Variants in NPRL2 observed in about 807,000 individuals in gnomAD.
NPRL2 encodes the protein NPR2 like, GATOR1 complex subunit.
In NPRL2, 21 loss-of-function variants were observed where a neutral mutation model predicts 51.1. The ratio of observed to expected loss-of-function variants is 0.41; its 90% confidence interval spans 0.29 to 0.59. NPRL2 has a LOEUF of 0.59. Ranked by LOEUF, NPRL2 falls within the 20% of genes least tolerant of loss-of-function variation. NPRL2 has a pLI of 0.29. For synonymous variants in NPRL2, 175 were observed against 187.8 expected (o/e 0.93, Z 0.56); for missense variants, 376 against 483.4 (o/e 0.78, Z 2.08).
chr3:50,350,099 C>T lies in NPRL2; in HGVS notation c.79-77G>A. ...AGTACAAATGGTGACCTCCTCATGCCCCCCAAGCCCAAGTCCTCTTCTCCA... is the reference window on the plus strand; with the variant it reads ...AGTACAAATGGTGACCTCCTCATGCTCCCCAAGCCCAAGTCCTCTTCTCCA... On this transcript the variant is annotated intron_variant, in intron 1 of 10. Transcript: ENST00000232501. This position sits in a 1 kb window ranked among gnomAD's most constrained non-coding sequence, Gnocchi z 5.7. 3 of 1,189,792 alleles carry T rather than the reference C, an allele frequency of 2.5e-6. No homozygotes were observed. Among genetic ancestry groups the T allele is most frequent in the African/African-American group, 1.5e-5 (1 of 66,554 alleles). 73.7% of individuals were successfully genotyped at this position (1,189,792 alleles called of 1,614,324 possible).
chr3:50,349,355 C>G lies in NPRL2; in HGVS notation c.448+31G>C. ...TTCACTTTCCCATCTCTCCTCTACC[C>G]CTCTGCTGTCCTTGCAGAGGCTGGC... On this transcript the variant is annotated intron_variant, in intron 4 of 10. Transcript: ENST00000232501. This position sits in a 1 kb window ranked among gnomAD's most constrained non-coding sequence, Gnocchi z 4.6. 5.1e-6 allele frequency: 8 copies of G among 1,571,440 alleles called. No homozygotes were observed. Among genetic ancestry groups the G allele is most frequent in the Non-Finnish European group, 7.0e-6 (8 of 1,142,032 alleles).
chr3:50,348,744 C>A lies in NPRL2; in HGVS notation c.624G>T (p.Lys208Asn), dbSNP rs1394636501. ...GCTCCACATCTGCCTCTGCTGAAAT[C>A]TTCTGGATGTGGCGGAACCCATCAA... ...PYIDGFRHIQ[K>N]ISAEADVELN... The change falls in exon 6 of 11, where the codon AAG (lysine) becomes AAT (asparagine). Residue 208 changes from lysine to asparagine, a missense_variant. Coordinates refer to ENST00000232501, the MANE Select transcript of NPRL2 (RefSeq NM_006545.5). This position sits in a 1 kb window ranked among gnomAD's most constrained non-coding sequence, Gnocchi z 5.8. 6.2e-7 allele frequency: 1 copy of A among 1,614,026 alleles called. No individual in the cohort carries two copies. The highest frequency in any genetic ancestry group is 8.5e-7 in the Non-Finnish European group (1 of 1,180,030).
chr3:50,350,625 T>C lies in NPRL2; in HGVS notation c.28A>G (p.Ile10Val). ...GTGGGGTGGAACTCGCTGAAGAATA[T>C]GCATTCGATGCGGCAGCCGCTGCCC... is the stretch of plus-strand genomic sequence containing the variant. MGSGCRIEC[I>V]FFSEFHPTLG... Residue 10 changes from isoleucine (I) to valine (V), a missense_variant, in exon 1 of 11, where the codon ATA becomes GTA. Physicochemically the swap from Ile to Val is conservative, Grantham distance 29 (BLOSUM62 3). Coordinates refer to ENST00000232501, the MANE Select transcript of NPRL2 (RefSeq NM_006545.5). This position sits in a 1 kb window ranked among gnomAD's most constrained non-coding sequence, Gnocchi z 5.7. The C allele has an allele frequency of 2.5e-6, 4 of 1,609,024 alleles. No individual in the cohort carries two copies. Among genetic ancestry groups the C allele is most frequent in the Non-Finnish European group, 3.4e-6 (4 of 1,178,200 alleles).
Position 50,349,751 on chromosome 3 carries a change from G to A in NPRL2, c.253C>T (p.Leu85=), listed in dbSNP as rs1703690564. ...KYSRNALLFN[L]GFVCDAQAKT... ...GCCTGGGCATCACACACGAAGCCCAGGTTGAAGAGGAGAGCATTGCGGCTG... is the reference window on the plus strand; with the variant it reads ...GCCTGGGCATCACACACGAAGCCCAAGTTGAAGAGGAGAGCATTGCGGCTG... The change falls in exon 3 of 11, where the codon CTG becomes TTG. Residue 85 remains leucine, a synonymous_variant. Coordinates refer to ENST00000232501, the MANE Select transcript of NPRL2 (RefSeq NM_006545.5). This position sits in a 1 kb window ranked among gnomAD's most constrained non-coding sequence, Gnocchi z 4.6. The A allele has an allele frequency of 2.5e-6, 4 of 1,613,864 alleles. No homozygotes were observed. The South Asian group carries it at 4.4e-5, about 18-fold the overall frequency.
At position 50,347,742 on chromosome 3, in the gene NPRL2, T is replaced by TA; in HGVS notation, c.1075+16_1075+17insT. On this transcript the variant is annotated intron_variant, in intron 10 of 10. Transcript: ENST00000232501. ...CACCCTGCCCTGAACCCACCCTGAC[T>TA]GCCCGCCTGCCTCCACCTGTCTTGC... 6.2e-7 allele frequency: 1 copy of TA among 1,613,822 alleles called. No individual in the cohort carries two copies.
At position 50,350,660 on chromosome 3, in the gene NPRL2, A is replaced by G. The variant is rs1372306004; in HGVS notation, c.-8T>C. ...GCGGCAGCCGCTGCCCATGGCAATA[A>G]CCGGGCCCAGGCCCGTAGCTCCTCG... On this transcript the variant is annotated 5_prime_UTR_variant, in exon 1 of 11. Coordinates refer to ENST00000232501, the MANE Select transcript of NPRL2 (RefSeq NM_006545.5). The surrounding 1 kb of genome is among the most constrained non-coding windows in gnomAD (Gnocchi z 5.7). 1 of 1,601,120 alleles carries G rather than the reference A, an allele frequency of 6.2e-7. No homozygotes were observed. The highest frequency in any genetic ancestry group is 1.7e-5 in the Admixed American group (1 of 58,836).
rs2109369144 is a variant in NPRL2, at chr3:50,350,255, C to T, written c.79-233G>A. The T allele has an allele frequency of 1.7e-6, 1 of 596,330 alleles. No individual in the cohort carries two copies. Among genetic ancestry groups the T allele is most frequent in the East Asian group, 2.8e-5 (1 of 35,976 alleles). The allele number at this position is 596,330 out of a possible 1,614,324, so 36.9% of individuals were successfully genotyped here. The stretch of plus-strand genomic sequence containing the variant: ...ACCTGGAACACTTTCTCCTGCCTTA[C>T]CTAAACTTCCTATGCATCATTTACT... On this transcript the variant is annotated intron_variant, in intron 1 of 10. Coordinates refer to ENST00000232501, the MANE Select transcript of NPRL2 (RefSeq NM_006545.5). The surrounding 1 kb of genome is among the most constrained non-coding windows in gnomAD (Gnocchi z 5.7).
Position 50,349,385 on chromosome 3 carries a change from C to T in NPRL2, c.448+1G>A. 1 of 1,612,670 alleles carries T rather than the reference C, an allele frequency of 6.2e-7. No homozygotes were observed. Among genetic ancestry groups the T allele is most frequent in the Non-Finnish European group, 8.5e-7 (1 of 1,179,210 alleles). On this transcript the variant is annotated splice_donor_variant, in intron 4 of 10. Coordinates refer to ENST00000232501, the MANE Select transcript of NPRL2 (RefSeq NM_006545.5). LOFTEE classifies it high-confidence loss of function. This position sits in a 1 kb window ranked among gnomAD's most constrained non-coding sequence, Gnocchi z 4.6. Reference sequence around the variant, plus strand: ...GCTGTCCTTGCAGAGGCTGGCCATACCAATGGGCAGAGTGCACCGGCCTGA... The same window carrying T: ...GCTGTCCTTGCAGAGGCTGGCCATATCAATGGGCAGAGTGCACCGGCCTGA...
Position 50,348,602 on chromosome 3 carries a change from C to T in NPRL2, c.684-39G>A. On this transcript the variant is annotated intron_variant, in intron 6 of 10. Coordinates refer to ENST00000232501, the MANE Select transcript of NPRL2 (RefSeq NM_006545.5). This position sits in a 1 kb window ranked among gnomAD's most constrained non-coding sequence, Gnocchi z 5.8. ...CTGTGCTCAGCTTCTGAGGACCATGCCTTCCCAACCCTCACACCCAGGGCC... is the reference window on the plus strand; with the variant it reads ...CTGTGCTCAGCTTCTGAGGACCATGTCTTCCCAACCCTCACACCCAGGGCC... 7 of 1,614,062 alleles carry T rather than the reference C, an allele frequency of 4.3e-6. No individual in the cohort carries two copies. Among genetic ancestry groups the T allele is most frequent in the Non-Finnish European group, 5.1e-6 (6 of 1,180,010 alleles).
At chr3:50,347,933 C>T (rs372355098) in intron 9 of NPRL2, 32 bp from the exon 10 acceptor site, 10 of 1,611,542 alleles carry the variant, frequency 6.2e-6, no homozygotes, top group African/African-American at 5.3e-5. Context: ...GGGGTGACGC[C>T]CTGGCCAGGC....
At position 50,347,553 on chromosome 3, in the gene NPRL2, T is replaced by G; in HGVS notation, c.*53A>C. 1.2e-6 allele frequency: 2 copies of G among 1,605,888 alleles called. No individual in the cohort carries two copies. Among genetic ancestry groups the G allele is most frequent in the South Asian group, 2.2e-5 (2 of 90,816 alleles). On this transcript the variant is annotated 3_prime_UTR_variant, in exon 11 of 11. Transcript: ENST00000232501. ...CAACCTCTAGACAGTATGACAAGCCTCCTAGTAGGAGGGACTACCCACAGC... is the reference window on the plus strand; with the variant it reads ...CAACCTCTAGACAGTATGACAAGCCGCCTAGTAGGAGGGACTACCCACAGC...
chr3:50,349,300 G>A lies in NPRL2; in HGVS notation c.448+86C>T, dbSNP rs2233481. On this transcript the variant is annotated intron_variant, in intron 4 of 10. Coordinates refer to ENST00000232501, the MANE Select transcript of NPRL2 (RefSeq NM_006545.5). The surrounding 1 kb of genome is among the most constrained non-coding windows in gnomAD (Gnocchi z 4.6). ...ATTTCCTGCCCACCAATGTGTTCAT[G>A]AGTCTTGCCCTTCTCCCTGACTAGC... The A allele has an allele frequency of 4.2e-6, 5 of 1,204,516 alleles. No individual in the cohort carries two copies. Among genetic ancestry groups the A allele is most frequent in the Non-Finnish European group, 6.1e-6 (5 of 822,284 alleles). The allele number at this position is 1,204,516 out of a possible 1,614,324, so 74.6% of individuals were successfully genotyped here.
In NPRL2 at chr3:50,349,021, C is replaced by T; in HGVS notation, c.449-11G>A. 6.2e-7 allele frequency: 1 copy of T among 1,611,646 alleles called. No individual in the cohort carries two copies. Among genetic ancestry groups the T allele is most frequent in the Non-Finnish European group, 8.5e-7 (1 of 1,178,966 alleles). On this transcript the variant is annotated splice_polypyrimidine_tract_variant and intron_variant, in intron 4 of 10. Transcript: ENST00000232501. This position sits in a 1 kb window ranked among gnomAD's most constrained non-coding sequence, Gnocchi z 4.6. ...TGGTGTTGGACTCATCTGCAGGGGG[C>T]CCCATCCATATCCTCAGTGCCACTT...
At position 50,350,238 on chromosome 3, in the gene NPRL2, C is replaced by T. The variant is rs138004645; in HGVS notation, c.79-216G>A. ...CATATGCTGTTCCCTCTACCTGGAA[C>T]ACTTTCTCCTGCCTTACCTAAACTT... On this transcript the variant is annotated intron_variant, in intron 1 of 10. Transcript: ENST00000232501. This position sits in a 1 kb window ranked among gnomAD's most constrained non-coding sequence, Gnocchi z 5.7. 4.8e-5 allele frequency: 29 copies of T among 598,006 alleles called. No homozygotes were observed. The East Asian group carries it at 7.8e-4, about 16-fold the overall frequency. The allele number at this position is 598,006 out of a possible 1,614,324, so 37.0% of individuals were successfully genotyped here.
In NPRL2 at chr3:50,350,759, C is replaced by T; in HGVS notation, c.-107G>A. 6.7e-7 allele frequency: 1 copy of T among 1,490,622 alleles called. No individual in the cohort carries two copies. The highest frequency in any genetic ancestry group is 2.2e-5 in the Admixed American group (1 of 45,414). 92.3% of individuals were successfully genotyped at this position (1,490,622 alleles called of 1,614,324 possible). A position where few individuals can be genotyped will look rare whatever the true frequency, so the allele number is the denominator to read the frequency against. ...AGCCTCGAGGCCTGTGTCGCTGGGG[C>T]ACGCAAGCTTGCCAATCCCTCTGCC... On this transcript the variant is annotated 5_prime_UTR_variant, in exon 1 of 11. Transcript: ENST00000232501. This position sits in a 1 kb window ranked among gnomAD's most constrained non-coding sequence, Gnocchi z 5.7.
chr3:50,349,533 G>A lies in NPRL2; in HGVS notation c.340-39C>T. The A allele has an allele frequency of 1.2e-6, 2 of 1,612,734 alleles. No individual in the cohort carries two copies. The highest frequency in any genetic ancestry group is 1.7e-6 in the Non-Finnish European group (2 of 1,179,046). On this transcript the variant is annotated intron_variant, in intron 3 of 10. Coordinates refer to ENST00000232501, the MANE Select transcript of NPRL2 (RefSeq NM_006545.5). This position sits in a 1 kb window ranked among gnomAD's most constrained non-coding sequence, Gnocchi z 4.6. ...GGAAAGCATGGTGGGCACATCCCAG[G>A]ACCCCTGGCTGGTTGGCTGCCCTGA...
In NPRL2 at chr3:50,350,771, C is replaced by T. The variant is rs1444951262; in HGVS notation, c.-119G>A. On this transcript the variant is annotated 5_prime_UTR_variant, in exon 1 of 11. Coordinates refer to ENST00000232501, the MANE Select transcript of NPRL2 (RefSeq NM_006545.5). This position sits in a 1 kb window ranked among gnomAD's most constrained non-coding sequence, Gnocchi z 5.7. ...TGTGTCGCTGGGGCACGCAAGCTTG[C>T]CAATCCCTCTGCCCAATGGCGCCTG... The T allele has an allele frequency of 6.1e-6, 9 of 1,480,718 alleles. No homozygotes were observed. Among genetic ancestry groups the T allele is most frequent in the Non-Finnish European group, 7.2e-6 (8 of 1,117,320 alleles). 91.7% of individuals were successfully genotyped at this position (1,480,718 alleles called of 1,614,324 possible). A position where few individuals can be genotyped will look rare whatever the true frequency, so the allele number is the denominator to read the frequency against.
chr3:50,348,426 AG>A lies in NPRL2; in HGVS notation c.721-17del, dbSNP rs751255642. 3.1e-6 allele frequency: 5 copies of A among 1,613,654 alleles called. No individual in the cohort carries two copies. Among genetic ancestry groups the A allele is most frequent in the Non-Finnish European group, 4.2e-6 (5 of 1,179,746 alleles). The stretch of plus-strand genomic sequence containing the variant: ...CATTGGAGTACTAGAGGGTAGCAGA[AG>A]GCATAGGGGCCTGAGTGAGGGGCTT... On this transcript the variant is annotated splice_polypyrimidine_tract_variant and intron_variant, in intron 7 of 10. Coordinates refer to ENST00000232501, the MANE Select transcript of NPRL2 (RefSeq NM_006545.5). This position sits in a 1 kb window ranked among gnomAD's most constrained non-coding sequence, Gnocchi z 5.8.
chr3:50,348,158 G>T lies in NPRL2; in HGVS notation c.898C>A (p.Arg300Ser). Residue 300 changes from arginine (R) to serine (S), a missense_variant, in exon 9 of 11, where the codon CGC (arginine) becomes AGC (serine). Arg to Ser is a moderately radical substitution (Grantham distance 110). Coordinates refer to ENST00000232501, the MANE Select transcript of NPRL2 (RefSeq NM_006545.5). This position sits in a 1 kb window ranked among gnomAD's most constrained non-coding sequence, Gnocchi z 5.8. ...PGTTVRDLIG[R>S]HPQQLQHVDE... Reference sequence around the variant, plus strand: ...ACATGCTGCAGCTGCTGGGGGTGGCGGCCAATGAGGTCTCGCACGGTAGTG... The same window carrying T: ...ACATGCTGCAGCTGCTGGGGGTGGCTGCCAATGAGGTCTCGCACGGTAGTG... 6.2e-7 allele frequency: 1 copy of T among 1,614,006 alleles called. No individual in the cohort carries two copies. The highest frequency in any genetic ancestry group is 1.1e-5 in the South Asian group (1 of 91,088).
Sources: gnomAD v4.1 joint callset for allele counts on GRCh38, gnomAD v4.1.1 for gene constraint, Gnocchi (gnomAD v3.1) non-coding constraint, MANE v1.5 for transcripts, NCBI Gene and HGNC (gene_info 2026-07-23, HGNC 2026-07-21) for gene names.